Variants in PSD observed in about 807,000 individuals in gnomAD.
PSD encodes PH and SEC7 domain-containing protein 1.
In PSD, 32 loss-of-function variants were observed where a neutral mutation model predicts 91.6. The observed-to-expected ratio is 0.35, with a 90% CI of 0.26 to 0.47. The LOEUF (loss-of-function observed/expected upper bound fraction) is 0.47, where lower values mean the gene tolerates loss of function less well. Among genes scored for constraint, PSD ranks in the 20% least tolerant of loss-of-function variants. The probability of loss-of-function intolerance (pLI) is 1.00; values close to 1 mark genes in which losing one functional copy is unlikely to be tolerated. For synonymous variants in PSD, 532 were observed against 569.3 expected (o/e 0.93, Z 0.93); for missense variants, 1,099 against 1,373.9 (o/e 0.80, Z 3.16).
chr10:102,406,891 T>A (rs2061368707), intron 11 of PSD, among the ~76,000 whole-genome samples: 1 of 152,220 alleles, frequency 6.6e-6, no homozygotes, highest in Admixed American at 6.5e-5. Context: ...CCCTAGGACC[T>A]GTGAGGGCCT....
chr10:102,416,952 G>C lies in PSD; in HGVS notation c.87C>G (p.Gly29=). The change falls in exon 2 of 17, where the codon GGC becomes GGG. Residue 29 remains glycine (G), a synonymous_variant. Transcript: ENST00000020673. This position sits in a 1 kb window ranked among gnomAD's most constrained non-coding sequence, Gnocchi z 6.0. The stretch of plus-strand genomic sequence containing the variant: ...TGGCTGGGGGGCTCTGGGGCACCGG[G>C]CCTTCGGGGAGCCAGCGGCGTGGGC... The part of the protein sequence containing the change: ...PRCPRRWLPE[G]PVPQSPPASM... The C allele has an allele frequency of 6.2e-7, 1 of 1,603,372 alleles. No individual in the cohort carries two copies. The highest frequency in any genetic ancestry group is 8.5e-7 in the Non-Finnish European group (1 of 1,179,524).
At position 102,417,025 on chromosome 10, in the gene PSD, G is replaced by C. The variant is rs765771035; in HGVS notation, c.14C>G (p.Ala5Gly). The C allele has an allele frequency of 6.4e-7, 1 of 1,569,930 alleles. No homozygotes were observed. Among genetic ancestry groups the C allele is most frequent in the South Asian group, 1.1e-5 (1 of 88,470 alleles). Residue 5 changes from alanine to glycine, a missense_variant, in exon 2 of 17, where the codon GCC becomes GGC. Ala to Gly is a moderately conservative substitution (Grantham distance 60). Transcript: ENST00000020673. Reference protein sequence around the residue: MAQGAMRFCSEGDCA... With the variant: MAQGGMRFCSEGDCA... ...GTCGCCTTCCGAGCAGAAGCGCATGGCACCCTGGGCCATGCTGGGGCCGGG... is the reference window on the plus strand; with the variant it reads ...GTCGCCTTCCGAGCAGAAGCGCATGCCACCCTGGGCCATGCTGGGGCCGGG...
rs995483644 is a variant in PSD, at chr10:102,416,330, G to A, written c.654+55C>T. 35 of 1,543,048 alleles carry A rather than the reference G, an allele frequency of 2.3e-5. No individual in the cohort carries two copies. Among genetic ancestry groups the A allele is most frequent in the Non-Finnish European group, 2.8e-5 (32 of 1,138,042 alleles). ...GCAGACAAGCCCATGTCTGACAGGAGGCTGAGCCTTGCCCCTTCACTGGGG... is the reference window on the plus strand; with the variant it reads ...GCAGACAAGCCCATGTCTGACAGGAAGCTGAGCCTTGCCCCTTCACTGGGG... On this transcript the variant is annotated intron_variant, in intron 2 of 16. Transcript: ENST00000020673. The surrounding 1 kb of genome is among the most constrained non-coding windows in gnomAD (Gnocchi z 6.0).
chr10:102,405,450 C>G lies in PSD; in HGVS notation c.2222G>C (p.Ser741Thr), dbSNP rs2061349706. 6.2e-7 allele frequency: 1 copy of G among 1,614,010 alleles called. No individual in the cohort carries two copies. Among genetic ancestry groups the G allele is most frequent in the African/African-American group, 1.3e-5 (1 of 75,050 alleles). The change falls in exon 12 of 17, where the codon AGT becomes ACT. Residue 741 changes from serine (S) to threonine (T), a missense_variant. Physicochemically the swap from Ser to Thr is moderately conservative, Grantham distance 58. Around this residue, in one of 3 missense-constraint regions of PSD, gnomAD observed 358 missense variants for 426.5 expected, o/e 0.84. Transcript: ENST00000020673. The surrounding 1 kb of genome is among the most constrained non-coding windows in gnomAD (Gnocchi z 5.4). ...CAGGTCCAGGAAAGGGCTGGAGCCA[C>G]TGCCACTGCCCCCGCTGATCCGCTT... ...VIKRISGGSG[S>T]GSSPFLDLTP...
intron 11 of PSD, among the ~76,000 whole-genome samples, chr10:102,406,789 G>A (rs1245396742): frequency 6.6e-6 from 1 of 152,222 alleles, no homozygotes; most frequent in East Asian, 1.9e-4. Flanking sequence ...ACAGGCGTGA[G>A]CCACCTCGCC....
chr10:102,413,714 G>A, intron 5 of PSD, 55 bp downstream of exon 5: 2 of 1,518,624 alleles, frequency 1.3e-6, no homozygotes, highest in South Asian at 1.2e-5. Flanking sequence ...CCTTACAGCA[G>A]CTGTTTCTGG....
rs11191284 is a variant in PSD, at chr10:102,404,453, G to C, written c.2700+130C>G. The C allele has an allele frequency of 0.25, 301,441 of 1,221,066 alleles. 41,052 individuals carry two copies. Among genetic ancestry groups the C allele is most frequent in the African/African-American group, 0.5 (32,419 of 65,142 alleles). 75.6% of individuals were successfully genotyped at this position (1,221,066 alleles called of 1,614,324 possible). On this transcript the variant is annotated intron_variant, in intron 15 of 16. Transcript: ENST00000020673. This position sits in a 1 kb window ranked among gnomAD's most constrained non-coding sequence, Gnocchi z 5.7. ...CAGTGGGGGCTGGATTTCAGTCCCT[G>C]CTCACCCCTGTGGCCAGCATCCTGG...
At position 102,405,319 on chromosome 10, in the gene PSD, C is replaced by T; in HGVS notation, c.2326+27G>A. On this transcript the variant is annotated intron_variant, in intron 12 of 16. Transcript: ENST00000020673. The surrounding 1 kb of genome is among the most constrained non-coding windows in gnomAD (Gnocchi z 5.4). ...CCCACTCCCATCCATCCCCTAGACG[C>T]CCGCCCCCCGCAACTCGGCCACATA... 9.3e-6 allele frequency: 15 copies of T among 1,607,714 alleles called. No individual in the cohort carries two copies. The highest frequency in any genetic ancestry group is 1.1e-5 in the Non-Finnish European group (13 of 1,178,292).
chr10:102,419,844 G>C, upstream of PSD: 1 of 204,134 alleles, frequency 4.9e-6, no homozygotes, highest in Non-Finnish European at 1.0e-5. The surrounding 1 kb of genome is among the most constrained non-coding windows in gnomAD (Gnocchi z 4.8). Context: ...CCCTAAGCAG[G>C]CTGAGGAAGA....
chr10:102,413,756 A>T lies in PSD; in HGVS notation c.1553+13T>A, dbSNP rs528119456. ...GGGGGCCTCAAGTCTGAGGGACAAAAGGAATTACTTACCTGCCAAGGGGTG... is the reference window on the plus strand; with the variant it reads ...GGGGGCCTCAAGTCTGAGGGACAAATGGAATTACTTACCTGCCAAGGGGTG... On this transcript the variant is annotated intron_variant, in intron 5 of 16. Transcript: ENST00000020673. 1.9e-6 allele frequency: 3 copies of T among 1,596,934 alleles called. No individual in the cohort carries two copies. The African/African-American group carries it at 4.0e-5, about 21-fold the overall frequency.
rs1054720517 is a variant in PSD, at chr10:102,412,451, G to A, written c.1678C>T (p.Arg560Cys). ...AGTCGGTACAGCCTCTTGGCCAGGC[G>A]CTGCGCAGCCTCCAGGTCCGCTTTC... Reference protein sequence around the residue: ...GQKADLEAAQRLAKRLYRLDG... With the variant: ...GQKADLEAAQCLAKRLYRLDG... Residue 560 changes from arginine to cysteine, a missense_variant, in exon 6 of 17, where the codon CGC becomes TGC. Coordinates refer to ENST00000020673, the MANE Select transcript of PSD (RefSeq NM_002779.5). 4 of 1,614,034 alleles carry A rather than the reference G, an allele frequency of 2.5e-6. No homozygotes were observed. Among genetic ancestry groups the A allele is most frequent in the Admixed American group, 1.7e-5 (1 of 60,006 alleles).
At chr10:102,408,456 T>C (rs1459488075) in intron 10 of PSD, among the ~76,000 whole-genome samples, 3 of 149,752 alleles carry the variant, frequency 2.0e-5, no homozygotes, top group Non-Finnish European at 3.0e-5. Flanking sequence ...AATCAACACA[T>C]AGACCTTCCA....
chr10:102,412,314 G>A (rs1173916796), intron 6 of PSD, 67 bp downstream of exon 6: 16 of 1,610,794 alleles, frequency 9.9e-6, no homozygotes, highest in Non-Finnish European at 1.3e-5. Context: ...GGGGACATTA[G>A]ATGGAGAGCT....
At chr10:102,408,097 A>G (rs909585636) in intron 10 of PSD, among the ~76,000 whole-genome samples, 2 of 152,114 alleles carry the variant, frequency 1.3e-5, no homozygotes, top group African/African-American at 4.8e-5. Context: ...GGTCTGGAAT[A>G]TGGGTCCACG....
rs1310428300 is a variant in PSD, at chr10:102,415,149, C to T, written c.838G>A (p.Ala280Thr). ...AGGTCTGTCTCGGAGTACTTGGCTG[C>T]TCGCCCCACAGCCACCCCAGAGCCC... Reference protein sequence around the residue: ...RQGSGVAVGRAAKYSETDLDT... With the variant: ...RQGSGVAVGRTAKYSETDLDT... Residue 280 changes from alanine (A) to threonine (T), a missense_variant, in exon 4 of 17, where the codon GCA (alanine) becomes ACA (threonine). Ala to Thr is a moderately conservative substitution (Grantham distance 58). Coordinates refer to ENST00000020673, the MANE Select transcript of PSD (RefSeq NM_002779.5). 3.1e-6 allele frequency: 5 copies of T among 1,613,436 alleles called. No homozygotes were observed. The highest frequency in any genetic ancestry group is 2.7e-5 in the African/African-American group (2 of 74,952).
chr10:102,414,810 G>T lies in PSD; in HGVS notation c.1124+53C>A, dbSNP rs992513190. 6.8e-7 allele frequency: 1 copy of T among 1,481,010 alleles called. No homozygotes were observed. The highest frequency in any genetic ancestry group is 2.3e-5 in the East Asian group (1 of 43,494). The allele number at this position is 1,481,010 out of a possible 1,614,324, so 91.7% of individuals were successfully genotyped here. A position where few individuals can be genotyped will look rare whatever the true frequency, so the allele number is the denominator to read the frequency against. On this transcript the variant is annotated intron_variant, in intron 4 of 16. Coordinates refer to ENST00000020673, the MANE Select transcript of PSD (RefSeq NM_002779.5). This position sits in a 1 kb window ranked among gnomAD's most constrained non-coding sequence, Gnocchi z 5.6. ...CCCGGCTCTGCCTGTGGGCCAGTGC[G>T]AAGGAGCAAGCCGCTTCCCTCTCCC...
chr10:102,403,378 C>T lies in PSD; in HGVS notation c.2897G>A (p.Gly966Asp). The change falls in exon 17 of 17, where the codon GGC becomes GAC. Residue 966 changes from glycine (G) to aspartate (D), a missense_variant. Transcript: ENST00000020673. This position sits in a 1 kb window ranked among gnomAD's most constrained non-coding sequence, Gnocchi z 6.7. ...CTCCACTGCATCCAGCTCCTCACTG[C>T]CTGCCTTCAGCTTGACCCGAAGCAG... ...AALLRVKLKA[G>D]SEELDAVEAA... 6.2e-7 allele frequency: 1 copy of T among 1,613,858 alleles called. No homozygotes were observed. Among genetic ancestry groups the T allele is most frequent in the Non-Finnish European group, 8.5e-7 (1 of 1,180,024 alleles).
chr10:102,418,627 C>A (rs964521552), intron 1 of PSD, 74 bp downstream of exon 1: 3 of 439,118 alleles, frequency 6.8e-6, no homozygotes, highest in Admixed American at 2.4e-5. Flanking sequence ...CCCTGCCAGG[C>A]AGGTTCCGGA....
intron 11 of PSD, 22 bp downstream of exon 11, chr10:102,407,201 A>C: frequency 6.4e-7 from 1 of 1,559,914 alleles, no homozygotes. Context: ...TCCTAGCCCC[A>C]CCACGCAGCC....
Sources: allele counts gnomAD v4.1 joint callset (sites outside exome capture counted in the v4.1 genomes callset), GRCh38; gene constraint gnomAD v4.1.1; regional missense constraint gnomAD v4.1.1; non-coding constraint Gnocchi (gnomAD v3.1); transcripts MANE v1.5; gene names NCBI Gene and HGNC (gene_info 2026-07-23, HGNC 2026-07-21).